Variants in PPFIBP2 observed in about 807,000 individuals in gnomAD.
PPFIBP2 encodes the protein liprin-beta-2.
In PPFIBP2, 118 loss-of-function variants were observed where a neutral mutation model predicts 118.3. The observed-to-expected ratio is 1.00, with a 90% CI of 0.86 to 1.16. The LOEUF (loss-of-function observed/expected upper bound fraction) is 1.16. Among genes scored for constraint, PPFIBP2 ranks in the 50% most tolerant of loss-of-function variants. PPFIBP2 has a pLI of 0.00. For missense variants in PPFIBP2, 1,195 were observed against 1,073.1 expected (o/e 1.11, Z -1.59); for synonymous variants, 414 against 397.4 (o/e 1.04, Z -0.50).
intron 3 of PPFIBP2, among the ~76,000 whole-genome samples, chr11:7,567,508 G>T (rs565316883): frequency 6.6e-6 from 1 of 152,310 alleles, no homozygotes; most frequent in South Asian, 2.1e-4. Flanking sequence ...AGTAATTATG[G>T]CCATCACTAA....
At chr11:7,599,673 C>G (rs1861048703) in intron 5 of PPFIBP2, among the ~76,000 whole-genome samples, 1 of 150,698 alleles carries the variant, frequency 6.6e-6, no homozygotes, top group African/African-American at 2.5e-5. Context: ...CTCAGTTGCC[C>G]AGGCTGGAGT....
At position 7,616,720 on chromosome 11, in the gene PPFIBP2, AG is replaced by A. The variant is rs1190498697; in HGVS notation, c.619-4211del. Among the ~76,000 whole-genome samples the A allele has an allele frequency of 6.6e-6, 1 of 152,020 alleles. No homozygotes were observed. ...TGCTGACACGTTGGGTGTTTGGGTA[AG>A]GGGAGTCGGTGTGTGTATCATGCAT... On this transcript the variant is annotated intron_variant, in intron 6 of 23. Transcript: ENST00000299492. This position sits in a 1 kb window ranked among gnomAD's most constrained non-coding sequence, Gnocchi z 5.2.
chr11:7,652,309 C>G (rs1447981712), intron 23 of PPFIBP2, among the ~76,000 whole-genome samples: 1 of 152,232 alleles, frequency 6.6e-6, no homozygotes, highest in Non-Finnish European at 1.5e-5. Flanking sequence ...CACAGATACC[C>G]AGAGGTCCCC....
In PPFIBP2 at chr11:7,593,125, T is replaced by C; in HGVS notation, c.280-7T>C. ...TAAGTGTATTCTTTTTTTTCTGTCCTCTTTAGTCCCAGGTAAACCACCACA... is the reference window on the plus strand; with the variant it reads ...TAAGTGTATTCTTTTTTTTCTGTCCCCTTTAGTCCCAGGTAAACCACCACA... On this transcript the variant is annotated splice_region_variant and splice_polypyrimidine_tract_variant and intron_variant, in intron 3 of 23. Transcript: ENST00000299492. 1 of 1,611,402 alleles carries C rather than the reference T, an allele frequency of 6.2e-7. No individual in the cohort carries two copies. The highest frequency in any genetic ancestry group is 8.5e-7 in the Non-Finnish European group (1 of 1,179,324).
intron 4 of PPFIBP2, among the ~76,000 whole-genome samples, chr11:7,594,479 C>G (rs1024684638): frequency 1.3e-5 from 2 of 152,218 alleles, no homozygotes; most frequent in African/African-American, 4.8e-5. Flanking sequence ...TGTGGATCTT[C>G]CATTTGAAAG....
intron 11 of PPFIBP2, chr11:7,632,644 C>T (rs1191006685): frequency 6.2e-6 from 3 of 480,580 alleles, no homozygotes; most frequent in East Asian, 3.9e-5. Context: ...GATCTAAGCT[C>T]TAGGGTCCAG....
the PPFIBP2 span, among the ~76,000 whole-genome samples, chr11:7,663,848 T>C: frequency 2.0e-5 from 3 of 152,206 alleles, no homozygotes; most frequent in African/African-American, 4.8e-5. Context: ...TATAATCTCA[T>C]GGTGCGCCGT....
At chr11:7,608,771 A>G (rs895489652) in intron 5 of PPFIBP2, among the ~76,000 whole-genome samples, 3 of 152,176 alleles carry the variant, frequency 2.0e-5, no homozygotes, top group Non-Finnish European at 4.4e-5. Context: ...TTTATTGCCA[A>G]CTCATTTGGA....
chr11:7,519,467 T>C (rs1189532241), intron 1 of PPFIBP2, among the ~76,000 whole-genome samples: 2 of 152,208 alleles, frequency 1.3e-5, no homozygotes, highest in African/African-American at 2.4e-5. Context: ...TAAAGTCGAA[T>C]GTTTCATTTG....
At chr11:7,597,253 A>G (rs1860504083) in intron 4 of PPFIBP2, 1 of 1,533,678 alleles carries the variant, frequency 6.5e-7, no homozygotes, top group African/African-American at 1.4e-5. Flanking sequence ...AAGAGGAATA[A>G]GGAGCAGGAG....
chr11:7,655,880 C>T (rs1312585936), downstream of PPFIBP2, among the ~76,000 whole-genome samples: 5 of 152,144 alleles, frequency 3.3e-5, no homozygotes, highest in African/African-American at 1.2e-4. Context: ...ACACTTCCAC[C>T]CTCTGCCCAG....
chr11:7,594,593 C>A (rs2135271447), intron 4 of PPFIBP2, among the ~76,000 whole-genome samples: 1 of 151,388 alleles, frequency 6.6e-6, no homozygotes, highest in South Asian at 2.1e-4. Flanking sequence ...ACCAGCTTGA[C>A]CAGCATGGTG....
chr11:7,611,015 C>G (rs900703109), intron 6 of PPFIBP2, among the ~76,000 whole-genome samples: 1 of 152,230 alleles, frequency 6.6e-6, no homozygotes, highest in Middle Eastern at 3.2e-3. Context: ...ATTTTACACT[C>G]AGAGCTCCTT....
chr11:7,549,688 T>C, intron 2 of PPFIBP2, 149 bp downstream of exon 2: 3 of 825,480 alleles, frequency 3.6e-6, no homozygotes, highest in Non-Finnish European at 5.5e-6. Flanking sequence ...GTATGTAATC[T>C]CTTTTTTTTC....
Position 7,647,594 on chromosome 11 carries a change from G to T in PPFIBP2, c.1647-793G>T, listed in dbSNP as rs150196002. Reference sequence around the variant, plus strand: ...GGATTTTTAAATTGTTTTAACAGTAGCATTAGTATCTGTGCATTGATGGTA... The same window carrying T: ...GGATTTTTAAATTGTTTTAACAGTATCATTAGTATCTGTGCATTGATGGTA... On this transcript the variant is annotated intron_variant, in intron 17 of 23. Transcript: ENST00000299492. Among the ~76,000 whole-genome samples the T allele has an allele frequency of 1.9e-4, 29 of 152,286 alleles. No individual in the cohort carries two copies. In the East Asian group the frequency reaches 5.4e-3, roughly 28 times the overall value.
At chr11:7,558,156 C>A (rs969936382) in intron 2 of PPFIBP2, among the ~76,000 whole-genome samples, 3 of 152,188 alleles carry the variant, frequency 2.0e-5, no homozygotes, top group Admixed American at 6.5e-5. Flanking sequence ...ATTGCAAGTT[C>A]CCTGAGATCT....
chr11:7,597,427 T>C, intron 4 of PPFIBP2, 133 bp from the exon 5 acceptor site: 1 of 1,539,000 alleles, frequency 6.5e-7, no homozygotes, highest in Non-Finnish European at 8.8e-7. Flanking sequence ...CACCTGCCAC[T>C]CAGCAAAAAT....
At chr11:7,550,291 ACTTTG>A in intron 2 of PPFIBP2, among the ~76,000 whole-genome samples, 1 of 152,318 alleles carries the variant, frequency 6.6e-6, no homozygotes, top group South Asian at 2.1e-4. Flanking sequence ...CTTCTTTGGA[ACTTTG>A]CTCTTCATTG....
intron 17 of PPFIBP2, among the ~76,000 whole-genome samples, chr11:7,646,465 G>A (rs2135960481): frequency 6.6e-6 from 1 of 152,316 alleles, no homozygotes; most frequent in Admixed American, 6.5e-5. Context: ...AGTCATGCTA[G>A]AAGAAAGACT....
Sources: allele counts gnomAD v4.1 joint callset (sites outside exome capture counted in the v4.1 genomes callset), GRCh38; gene constraint gnomAD v4.1.1; non-coding constraint Gnocchi (gnomAD v3.1); transcripts MANE v1.5; gene names NCBI Gene and HGNC (gene_info 2026-07-23, HGNC 2026-07-21).